The following ATP2C2 variants were observed in gnomAD, a reference collection of about 807,000 sequenced individuals.
ATP2C2 encodes the protein calcium-transporting ATPase type 2C member 2.
ATP2C2 carries 171 observed loss-of-function variants against 110.8 expected under a neutral mutation model. The ratio of observed to expected loss-of-function variants is 1.54; its 90% CI spans 1.36 to 1.75. ATP2C2 has a LOEUF of 1.75. Ranked by LOEUF, ATP2C2 falls within the 40% of genes most tolerant of loss-of-function variation. ATP2C2 has a pLI of 0.00. For missense variants in ATP2C2, 1,963 were observed against 1,235.0 expected (o/e 1.59, Z -8.84); for synonymous variants, 804 against 508.4 (o/e 1.58, Z -7.82).
Position 84,368,720 on chromosome 16 carries a change from T to C in ATP2C2, c.99+6T>C, listed in dbSNP as rs1909774934. ...AGGACGAAGAGGAAGCCTTGGTGAGTCCCCGCGACTCCGCGCCGGGCGTGC... is the reference window on the plus strand; with the variant it reads ...AGGACGAAGAGGAAGCCTTGGTGAGCCCCCGCGACTCCGCGCCGGGCGTGC... On this transcript the variant is annotated splice_donor_region_variant and intron_variant, in intron 1 of 26. Coordinates refer to ENST00000262429, the MANE Select transcript of ATP2C2 (RefSeq NM_014861.4). 6.6e-7 allele frequency: 1 copy of C among 1,515,386 alleles called. No individual in the cohort carries two copies. The highest frequency in any genetic ancestry group is 2.2e-5 in the Admixed American group (1 of 45,578). 93.9% of individuals were successfully genotyped at this position (1,515,386 alleles called of 1,614,324 possible).
At chr16:84,443,900 G>A (rs1035405403) in intron 15 of ATP2C2, among the ~76,000 whole-genome samples, 1 of 152,174 alleles carries the variant, frequency 6.6e-6, no homozygotes, top group Non-Finnish European at 1.5e-5. Flanking sequence ...CAGGCTGAGT[G>A]CAGTGGCTCA....
At chr16:84,404,997 C>T (rs866740365) in intron 2 of ATP2C2, 131 bp from the exon 3 acceptor site, 1 of 811,910 alleles carries the variant, frequency 1.2e-6, no homozygotes, top group Non-Finnish European at 2.2e-6. Flanking sequence ...CAAGTCCCAG[C>T]ACCTTGGTGG....
intron 15 of ATP2C2, among the ~76,000 whole-genome samples, chr16:84,446,069 G>A (rs771357860): frequency 6.6e-5 from 10 of 152,052 alleles, no homozygotes; most frequent in Non-Finnish European, 1.5e-4. Flanking sequence ...CAGAAACACT[G>A]CAGGTTTGTT....
In ATP2C2 at chr16:84,422,363, C is replaced by T. The variant is rs181459793; in HGVS notation, c.625-27C>T. On this transcript the variant is annotated intron_variant, in intron 7 of 26. Transcript: ENST00000262429. ...AATTCTCGGGGTGACAGAGAGATTCCACAGCCTTTTCCCCTTGCTCTCCTA... is the reference window on the plus strand; with the variant it reads ...AATTCTCGGGGTGACAGAGAGATTCTACAGCCTTTTCCCCTTGCTCTCCTA... The T allele has an allele frequency of 1.4e-4, 230 of 1,604,286 alleles. No individual in the cohort carries two copies. The African/African-American group carries it at 2.1e-3, about 14-fold the overall frequency.
intron 23 of ATP2C2, chr16:84,459,647 C>T (rs1911074614): frequency 2.1e-6 from 3 of 1,430,758 alleles, no homozygotes; most frequent in South Asian, 2.5e-5. Context: ...GGGCAACCTG[C>T]ATGGCTCATT....
chr16:84,400,660 T>C (rs1314161127), intron 2 of ATP2C2, among the ~76,000 whole-genome samples: 2 of 152,198 alleles, frequency 1.3e-5, no homozygotes, highest in Non-Finnish European at 2.9e-5. Context: ...CTCCAAACTG[T>C]TCACCAGTCA....
rs552946168 is a variant in ATP2C2, at chr16:84,443,505, C to T, written c.1401+906C>T. ...TCCCCCAGCACGGACCCCTCGCTGC[C>T]GCCGAGCCTGGCCCCTGCACTCACC... is the stretch of plus-strand genomic sequence containing the variant. On this transcript the variant is annotated intron_variant, in intron 15 of 26. Transcript: ENST00000262429. Among the ~76,000 whole-genome samples, 12 of 152,320 alleles carry T rather than the reference C, an allele frequency of 7.9e-5. No homozygotes were observed. The East Asian group carries it at 2.3e-3, about 29-fold the overall frequency.
intron 10 of ATP2C2, among the ~76,000 whole-genome samples, chr16:84,424,443 G>T (rs11641976): frequency 2.6e-5 from 4 of 151,762 alleles, no homozygotes; most frequent in African/African-American, 9.7e-5. Context: ...ACGCCCAGCT[G>T]ATTTTTGTAT....
intron 21 of ATP2C2, among the ~76,000 whole-genome samples, chr16:84,458,836 C>T (rs1030095089): frequency 1.3e-5 from 2 of 152,178 alleles, no homozygotes; most frequent in African/African-American, 4.8e-5. Flanking sequence ...CCCCTGGGCT[C>T]GGCCGGAGAG....
At chr16:84,388,466 A>G (rs1904450616) in intron 1 of ATP2C2, among the ~76,000 whole-genome samples, 1 of 152,168 alleles carries the variant, frequency 6.6e-6, no homozygotes, top group Admixed American at 6.5e-5. Flanking sequence ...GAGTTTCTGC[A>G]TTTCTAACAA....
At chr16:84,445,691 C>A (rs561502240) in intron 15 of ATP2C2, among the ~76,000 whole-genome samples, 1 of 152,208 alleles carries the variant, frequency 6.6e-6, no homozygotes, top group African/African-American at 2.4e-5. Flanking sequence ...CATTTCTTCC[C>A]TAATCACCCC....
At chr16:84,429,340 A>T (rs2150553652) in intron 11 of ATP2C2, among the ~76,000 whole-genome samples, 1 of 152,072 alleles carries the variant, frequency 6.6e-6, no homozygotes, top group Non-Finnish European at 1.5e-5. Flanking sequence ...TTAAGTAGAG[A>T]TGGGATTTCA....
rs1597892196 is a variant in ATP2C2 at position 84,461,810 on chromosome 16, C to T, written c.2578C>T (p.Gln860Ter). The T allele has an allele frequency of 8.1e-6, 13 of 1,613,722 alleles. No individual in the cohort carries two copies. In the East Asian group the frequency reaches 2.7e-4, roughly 33 times the overall value. Reference sequence around the variant, plus strand: ...CTTCAACGCCTTGACCTGCCGCTCTCAGGTGAGACCCGGGCTGACCCTCCT... The same window carrying T: ...CTTCAACGCCTTGACCTGCCGCTCTTAGGTGAGACCCGGGCTGACCCTCCT... ...DLFNALTCRS[Q>*]TKLIFEIGFL... The change falls in exon 25 of 27, where the codon CAG becomes TAG. Residue 860 changes from glutamine (Q) to a stop codon, truncating the protein, a stop_gained and splice_region_variant. Transcript: ENST00000262429. LOFTEE classifies it high-confidence loss of function.
intron 1 of ATP2C2, among the ~76,000 whole-genome samples, chr16:84,392,854 G>A (rs1904741838): frequency 1.3e-5 from 2 of 152,292 alleles, no homozygotes; most frequent in Non-Finnish European, 2.9e-5. Context: ...TCCCCATGGT[G>A]TCATTCAACG....
intron 6 of ATP2C2, among the ~76,000 whole-genome samples, chr16:84,412,328 GTGTGTC>G (rs1906399136): frequency 2.0e-5 from 3 of 148,358 alleles, no homozygotes; most frequent in Non-Finnish European, 3.0e-5. Flanking sequence ...GTGTGTGCGT[GTGTGTC>G]TGTATGCGTG....
intron 23 of ATP2C2, 135 bp downstream of exon 23, chr16:84,459,521 T>C (rs1368982512): frequency 1.2e-5 from 18 of 1,555,886 alleles, no homozygotes; most frequent in Non-Finnish European, 1.6e-5. Context: ...CCCAGAAAAC[T>C]GAAGTGTGTT....
In ATP2C2 at chr16:84,411,042, G is replaced by T. The variant is rs547675465; in HGVS notation, c.515+277G>T. The T allele has an allele frequency of 7.8e-6, 4 of 513,624 alleles. No individual in the cohort carries two copies. In the South Asian group the frequency reaches 8.3e-5, roughly 11 times the overall value. The allele number at this position is 513,624 out of a possible 1,614,324, so 31.8% of individuals were successfully genotyped here. A position where few individuals can be genotyped will look rare whatever the true frequency, so the allele number is the denominator to read the frequency against. ...GGTAGCAGGAGTGACTCTGGGAAGAGGGTAGCCCACAAAGCCTGTGAAATA... is the reference window on the plus strand; with the variant it reads ...GGTAGCAGGAGTGACTCTGGGAAGATGGTAGCCCACAAAGCCTGTGAAATA... On this transcript the variant is annotated intron_variant, in intron 6 of 26. Transcript: ENST00000262429.
At chr16:84,375,467 G>A (rs927683372) in intron 1 of ATP2C2, among the ~76,000 whole-genome samples, 1 of 151,986 alleles carries the variant, frequency 6.6e-6, no homozygotes, top group Non-Finnish European at 1.5e-5. Context: ...CTTGAATCGG[G>A]GAGGCACATG....
Position 84,461,212 on chromosome 16 carries a change from G to A in ATP2C2, c.2481+411G>A, listed in dbSNP as rs537395113. On this transcript the variant is annotated intron_variant, in intron 24 of 26. Transcript: ENST00000262429. ...CACCTTTTCATGGCCTGCAGGTTCAGGGAGCTCTATGCCAGGACGGGCCAC... is the reference window on the plus strand; with the variant it reads ...CACCTTTTCATGGCCTGCAGGTTCAAGGAGCTCTATGCCAGGACGGGCCAC... The A allele has an allele frequency of 1.5e-5, 4 of 258,230 alleles. No homozygotes were observed. The South Asian group carries it at 2.7e-4, about 17-fold the overall frequency. 16.0% of individuals were successfully genotyped at this position (258,230 alleles called of 1,614,324 possible). A position where few individuals can be genotyped will look rare whatever the true frequency, so the allele number is the denominator to read the frequency against.
Sources: allele counts gnomAD v4.1 joint callset (sites outside exome capture counted in the v4.1 genomes callset), GRCh38; gene constraint gnomAD v4.1.1; transcripts MANE v1.5; gene names NCBI Gene and HGNC (gene_info 2026-07-23, HGNC 2026-07-21).